Variants in RASA3 observed in about 807,000 individuals in gnomAD.
RASA3 encodes RAS p21 protein activator 3, also known as ras GTPase-activating protein 3.
In RASA3, 73 loss-of-function variants were observed where a neutral mutation model predicts 110.0. The ratio of observed to expected loss-of-function variants is 0.66; its 90% CI spans 0.55 to 0.81. RASA3 has a LOEUF of 0.81. RASA3 is among the 30% of genes least tolerant of loss of function. The probability of loss-of-function intolerance (pLI) is 0.00; values close to 1 mark genes in which losing one functional copy is unlikely to be tolerated. For synonymous variants in RASA3, 500 were observed against 451.4 expected, an observed-to-expected ratio of 1.11 and a Z score of -1.37; for missense variants, 976 against 1,113.2, an observed-to-expected ratio of 0.88 and a Z score of 1.75.
Position 114,018,923 on chromosome 13 carries a change from G to C in RASA3, c.786-4C>G, listed in dbSNP as rs767724848. On this transcript the variant is annotated splice_region_variant and splice_polypyrimidine_tract_variant and intron_variant, in intron 9 of 23. Transcript: ENST00000334062. Reference sequence around the variant, plus strand: ...GTCCCGGGGCTGGAGGAAGTACCTGGGTGGGAGGGACACATGGAGGGGAGG... The same window carrying C: ...GTCCCGGGGCTGGAGGAAGTACCTGCGTGGGAGGGACACATGGAGGGGAGG... 6.2e-7 allele frequency: 1 copy of C among 1,613,514 alleles called. No homozygotes were observed. The highest frequency in any genetic ancestry group is 8.5e-7 in the Non-Finnish European group (1 of 1,179,968).
intron 23 of RASA3, among the ~76,000 whole-genome samples, chr13:113,980,677 TATG>T (rs536760225): frequency 1.5e-4 from 23 of 152,288 alleles, no homozygotes; most frequent in African/African-American, 5.3e-4. Context: ...AGGGATCTGA[TATG>T]ATGATGTCAG....
intron 21 of RASA3, 67 bp downstream of exon 21, chr13:113,996,464 C>G (rs2053258685): frequency 6.8e-7 from 1 of 1,473,154 alleles, no homozygotes; most frequent in African/African-American, 1.4e-5. Flanking sequence ...GCTGGTCCCT[C>G]CCTACTCAGC....
At chr13:114,012,998 C>A (rs756675504) in intron 15 of RASA3, 144 bp downstream of exon 15, 1 of 637,588 alleles carries the variant, frequency 1.6e-6, no homozygotes, top group Admixed American at 2.7e-5. Flanking sequence ...CACACACACT[C>A]CCCACTCACT....
At chr13:114,074,260 C>G (rs1342915601) in intron 1 of RASA3, among the ~76,000 whole-genome samples, 2 of 152,210 alleles carry the variant, frequency 1.3e-5, no homozygotes, top group Non-Finnish European at 1.5e-5. Flanking sequence ...GAGACTCGGT[C>G]CCCATTCAAC....
chr13:114,087,729 T>C lies in RASA3; in HGVS notation c.56-13892A>G, dbSNP rs188760888. The stretch of plus-strand genomic sequence containing the variant: ...CCCGCCCGACACCACCACAACCCAT[T>C]TCAGTGACAGATAACTTCAGACAAC... On this transcript the variant is annotated intron_variant, in intron 1 of 23. Coordinates refer to ENST00000334062, the MANE Select transcript of RASA3 (RefSeq NM_007368.4). Among the ~76,000 whole-genome samples the C allele has an allele frequency of 2.2e-3, 331 of 152,226 alleles. 5 individuals carry two copies. Among genetic ancestry groups the C allele is most frequent in the Admixed American group, 0.014 (221 of 15,292 alleles).
At chr13:114,130,017 G>A (rs1185788034) in intron 1 of RASA3, among the ~76,000 whole-genome samples, 2 of 152,204 alleles carry the variant, frequency 1.3e-5, no homozygotes, top group Non-Finnish European at 2.9e-5. Context: ...GGGCTCAGTG[G>A]CCCCCTGGCA....
chr13:114,013,751 T>A (rs2053708091), intron 14 of RASA3, among the ~76,000 whole-genome samples: 1 of 147,678 alleles, frequency 6.8e-6, no homozygotes, highest in African/African-American at 2.5e-5. Flanking sequence ...GCTCTCTCTC[T>A]CTCTCTCCAT....
chr13:114,121,133 T>C (rs979310270), intron 1 of RASA3, among the ~76,000 whole-genome samples: 2 of 152,160 alleles, frequency 1.3e-5, no homozygotes, highest in African/African-American at 2.4e-5. Flanking sequence ...TACTAGAAAA[T>C]TGCACAGCAG....
intron 1 of RASA3, among the ~76,000 whole-genome samples, chr13:114,100,796 C>T (rs1426169512): frequency 1.3e-5 from 2 of 152,218 alleles, no homozygotes; most frequent in Admixed American, 6.5e-5. Flanking sequence ...CCCAGGGACA[C>T]CGGAAGCCGT....
chr13:114,011,108 T>A lies in RASA3; in HGVS notation c.1590+63A>T. On this transcript the variant is annotated intron_variant, in intron 16 of 23. Coordinates refer to ENST00000334062, the MANE Select transcript of RASA3 (RefSeq NM_007368.4). The surrounding 1 kb of genome is among the most constrained non-coding windows in gnomAD (Gnocchi z 4.8). ...AAATGTGGGAGGTTTTTCACGTGTA[T>A]TTTCTGAAGAGAGAAAAGAATCAGT... 1 of 1,444,286 alleles carries A rather than the reference T, an allele frequency of 6.9e-7. No individual in the cohort carries two copies. Among genetic ancestry groups the A allele is most frequent in the Non-Finnish European group, 9.6e-7 (1 of 1,036,882 alleles). 89.5% of individuals were successfully genotyped at this position (1,444,286 alleles called of 1,614,324 possible).
Position 114,056,932 on chromosome 13 carries a change from G to A in RASA3, c.174-4777C>T, listed in dbSNP as rs1292107759. On this transcript the variant is annotated intron_variant, in intron 2 of 23. Coordinates refer to ENST00000334062, the MANE Select transcript of RASA3 (RefSeq NM_007368.4). The surrounding 1 kb of genome is among the most constrained non-coding windows in gnomAD (Gnocchi z 5.7). ...GGCTTTAGAACCTTGCTCCTGAATC[G>A]CAGCAGGGGAGGCAGCGCTTTGGGG... Among the ~76,000 whole-genome samples the A allele has an allele frequency of 6.6e-6, 1 of 152,072 alleles. No individual in the cohort carries two copies. The highest frequency in any genetic ancestry group is 1.9e-4 in the East Asian group (1 of 5,162).
At chr13:113,988,930 CCACCCATCACTCACCCTGTCCGTA>C (rs1173681527) in intron 22 of RASA3, among the ~76,000 whole-genome samples, 32 of 151,210 alleles carry the variant, frequency 2.1e-4, no homozygotes, top group East Asian at 9.8e-4. Context: ...ATCTGTCCAT[CCACCCATCACTCACCCTGTCCGTA>C]CACCCATCAC....
intron 1 of RASA3, among the ~76,000 whole-genome samples, chr13:114,122,185 C>T (rs999854186): frequency 3.9e-5 from 6 of 152,366 alleles, no homozygotes; most frequent in South Asian, 2.1e-4. Context: ...AGGGCCCCTC[C>T]GCGGTCAGCC....
At chr13:114,041,129 A>C (rs760621748) in intron 3 of RASA3, 35 bp from the exon 4 acceptor site, 17 of 1,585,802 alleles carry the variant, frequency 1.1e-5, no homozygotes, top group African/African-American at 1.3e-5. Flanking sequence ...CACCACGGGC[A>C]CAGGCCCCAG....
intron 3 of RASA3, among the ~76,000 whole-genome samples, chr13:114,050,782 A>G (rs2079132298): frequency 6.6e-6 from 1 of 152,204 alleles, no homozygotes; most frequent in African/African-American, 2.4e-5. Flanking sequence ...GCTGACACAC[A>G]CTAGCTGCCG....
intron 2 of RASA3, 132 bp from the exon 3 acceptor site, chr13:114,052,287 T>A: frequency 1.6e-6 from 1 of 614,794 alleles, no homozygotes; most frequent in Non-Finnish European, 2.9e-6. Context: ...GCATGAGACA[T>A]GAACCTGCAG....
At chr13:114,012,206 A>G (rs1738168575) in intron 15 of RASA3, among the ~76,000 whole-genome samples, 2 of 152,028 alleles carry the variant, frequency 1.3e-5, no homozygotes, top group South Asian at 2.1e-4. Context: ...CAAACCGTCC[A>G]CTGCTTTTGT....
At chr13:114,001,847 G>A (rs1016112961) in intron 18 of RASA3, among the ~76,000 whole-genome samples, 8 of 152,268 alleles carry the variant, frequency 5.3e-5, no homozygotes, top group Admixed American at 1.3e-4. Flanking sequence ...ACGCACCAGC[G>A]CCTCTGCCAG....
rs1343973425 is a variant in RASA3 at position 114,057,395 on chromosome 13, G to A, written c.174-5240C>T. 20 of 985,384 alleles carry A rather than the reference G, an allele frequency of 2.0e-5. No individual in the cohort carries two copies. In the East Asian group the frequency reaches 3.4e-4, roughly 17 times the overall value. 61.0% of individuals were successfully genotyped at this position (985,384 alleles called of 1,614,324 possible). A position where few individuals can be genotyped will look rare whatever the true frequency, so the allele number is the denominator to read the frequency against. ...AAGGCATTGCAGGGCAGTGGGGTCCGGAGAGGCGGCCGTGCTACAGGCCTT... is the reference window on the plus strand; with the variant it reads ...AAGGCATTGCAGGGCAGTGGGGTCCAGAGAGGCGGCCGTGCTACAGGCCTT... On this transcript the variant is annotated intron_variant, in intron 2 of 23. Coordinates refer to ENST00000334062, the MANE Select transcript of RASA3 (RefSeq NM_007368.4). The surrounding 1 kb of genome is among the most constrained non-coding windows in gnomAD (Gnocchi z 5.0).
Sources: allele counts gnomAD v4.1 joint callset (sites outside exome capture counted in the v4.1 genomes callset), GRCh38; gene constraint gnomAD v4.1.1; non-coding constraint Gnocchi (gnomAD v3.1); transcripts MANE v1.5; gene names NCBI Gene and HGNC (gene_info 2026-07-23, HGNC 2026-07-21).